The following RBP5 variants were observed in gnomAD, a reference collection of about 807,000 sequenced individuals.
RBP5 encodes retinol binding protein 5.
In RBP5, 12 loss-of-function variants were observed where a neutral mutation model predicts 17.8. The ratio of observed to expected loss-of-function variants is 0.67; its 90% CI spans 0.43 to 1.09. The LOEUF (loss-of-function observed/expected upper bound fraction) is 1.09, where lower values mean the gene tolerates loss of function less well. RBP5 is among the 50% of genes least tolerant of loss of function. RBP5 has a pLI of 0.00. For missense variants in RBP5, 172 were observed against 169.4 expected (o/e 1.02, Z -0.09); for synonymous variants, 64 against 68.1 (o/e 0.94, Z 0.30).
chr12:7,123,995 G>T lies in RBP5; in HGVS notation c.*126C>A. On this transcript the variant is annotated 3_prime_UTR_variant, in exon 4 of 4. Transcript: ENST00000266560. ...ATTAACACGGGGAGGGGTGAGGAGG[G>T]ACCCAGAGGGAGGAAAGGTGGCCAG... 4 of 864,366 alleles carry T rather than the reference G, an allele frequency of 4.6e-6. No homozygotes were observed. Among genetic ancestry groups the T allele is most frequent in the South Asian group, 1.4e-5 (1 of 71,648 alleles). 53.5% of individuals were successfully genotyped at this position (864,366 alleles called of 1,614,324 possible).
At chr12:7,127,422 G>A (rs1403825184) in intron 2 of RBP5, 3 of 440,186 alleles carry the variant, frequency 6.8e-6, no homozygotes, top group East Asian at 3.7e-5. Context: ...GAGCCACCAC[G>A]CCCAGCCTTT....
intron 2 of RBP5, among the ~76,000 whole-genome samples, chr12:7,126,441 T>C (rs1939160690): frequency 6.6e-6 from 1 of 151,746 alleles, no homozygotes; most frequent in Non-Finnish European, 1.5e-5. Flanking sequence ...TAGCAGCTGC[T>C]ATACTGGGTA....
chr12:7,127,282 C>T (rs767284753), intron 2 of RBP5, among the ~76,000 whole-genome samples: 9 of 152,280 alleles, frequency 5.9e-5, no homozygotes, highest in Admixed American at 2.0e-4. Context: ...GTGTGAGCCA[C>T]TGCACCTGGC....
chr12:7,123,076 C>G (rs1244369677), downstream of RBP5, among the ~76,000 whole-genome samples: 7 of 152,278 alleles, frequency 4.6e-5, no homozygotes, highest in Admixed American at 2.6e-4. Context: ...TCACATTGAG[C>G]CCTCTTCACT....
In RBP5 at chr12:7,128,224, G is replaced by C; in HGVS notation, c.252+16C>G. On this transcript the variant is annotated intron_variant, in intron 2 of 3. Coordinates refer to ENST00000266560, the MANE Select transcript of RBP5 (RefSeq NM_031491.4). This position sits in a 1 kb window ranked among gnomAD's most constrained non-coding sequence, Gnocchi z 5.3. ...GATGCCTCCTTCCGGCCACCGCCCA[G>C]CCAGGGGAAATGTACCTGGCATTTT... 1 of 1,599,218 alleles carries C rather than the reference G, an allele frequency of 6.3e-7. No homozygotes were observed. Among genetic ancestry groups the C allele is most frequent in the Non-Finnish European group, 8.5e-7 (1 of 1,170,444 alleles).
upstream of RBP5, chr12:7,129,590 C>T: frequency 1.0e-6 from 1 of 984,478 alleles, no homozygotes; most frequent in African/African-American, 1.7e-5. This position sits in a 1 kb window ranked among gnomAD's most constrained non-coding sequence, Gnocchi z 5.5. Context: ...TCGATGAGAC[C>T]GTAACCCCCA....
At chr12:7,126,069 CAA>C (rs34064255) in intron 2 of RBP5, among the ~76,000 whole-genome samples, 2 of 139,978 alleles carry the variant, frequency 1.4e-5, no homozygotes, top group African/African-American at 5.3e-5. Context: ...CCACCTCTAC[CAA>C]AAAAAAAAAA....
chr12:7,126,987 TA>T (rs1356947546), intron 2 of RBP5, among the ~76,000 whole-genome samples: 3 of 111,604 alleles, frequency 2.7e-5, no homozygotes, highest in African/African-American at 1.3e-4. Context: ...TGTACTTTTG[TA>T]TTTTTTTTTT....
upstream of RBP5, chr12:7,128,897 C>T (rs994536462): frequency 3.7e-6 from 3 of 811,420 alleles, no homozygotes; most frequent in Non-Finnish European, 6.3e-6. This position sits in a 1 kb window ranked among gnomAD's most constrained non-coding sequence, Gnocchi z 5.3. Flanking sequence ...TGTGTAATGG[C>T]CGGGTTACCA....
chr12:7,126,510 G>GGTGGTGGTGGT (rs751535528), intron 2 of RBP5, among the ~76,000 whole-genome samples: 7 of 131,024 alleles, frequency 5.3e-5, no homozygotes, highest in Non-Finnish European at 8.4e-5. Context: ...TGGTGGTGGT[G>GGTGGTGGTGGT]GTGTGTGTGT....
At position 7,124,468 on chromosome 12, in the gene RBP5, C is replaced by T. The variant is rs1939126610; in HGVS notation, c.354+161G>A. Among the ~76,000 whole-genome samples the T allele has an allele frequency of 6.6e-6, 1 of 152,162 alleles. No homozygotes were observed. Among genetic ancestry groups the T allele is most frequent in the African/African-American group, 2.4e-5 (1 of 41,434 alleles). ...CTTGGCCACTCTGTTTCTTCCTCTCCCCACTCCTCCCAGTGCTTTTGCTTT... is the reference window on the plus strand; with the variant it reads ...CTTGGCCACTCTGTTTCTTCCTCTCTCCACTCCTCCCAGTGCTTTTGCTTT... On this transcript the variant is annotated intron_variant, in intron 3 of 3. Coordinates refer to ENST00000266560, the MANE Select transcript of RBP5 (RefSeq NM_031491.4). This position sits in a 1 kb window ranked among gnomAD's most constrained non-coding sequence, Gnocchi z 5.3.
chr12:7,116,205 T>C (rs1939002616), exon 4 of RBP5: 1 of 152,238 alleles, frequency 6.6e-6, no homozygotes, highest in Non-Finnish European at 1.5e-5. Context: ...CTGGCTCTAG[T>C]TTCACTGTGG....
At chr12:7,126,513 GTGTGTGTGTGTGTGTGTGTGTGTGT>G (rs1485790161) in intron 2 of RBP5, among the ~76,000 whole-genome samples, 19 of 121,442 alleles carry the variant, frequency 1.6e-4, no homozygotes, top group African/African-American at 5.5e-4. Context: ...TGGTGGTGGT[GTGTGTGTGTGTGTGTGTGTGTGTGT>G]GTGTGTGTGT....
chr12:7,128,988 G>A (rs1019543661), upstream of RBP5: 3 of 545,554 alleles, frequency 5.5e-6, no homozygotes, highest in South Asian at 1.9e-5. This position sits in a 1 kb window ranked among gnomAD's most constrained non-coding sequence, Gnocchi z 5.3. Flanking sequence ...GAGTTTGGGG[G>A]TGGTGTCTCC....
downstream of RBP5, among the ~76,000 whole-genome samples, chr12:7,119,820 G>C (rs780454943): frequency 2.0e-5 from 3 of 152,200 alleles, no homozygotes; most frequent in Non-Finnish European, 2.9e-5. Flanking sequence ...GTTGCCTTGT[G>C]GGCTGGCCAA....
At chr12:7,120,351 G>A (rs1409024659), downstream of RBP5, among the ~76,000 whole-genome samples, 2 of 152,042 alleles carry the variant, frequency 1.3e-5, no homozygotes, top group African/African-American at 2.4e-5. Context: ...GGGGAGAGGG[G>A]GCAGGCCTGG....
In RBP5 at chr12:7,128,829, G is replaced by T; in HGVS notation, c.-54C>A. ...AGGAGACAGGGTGAGGAAGGAGGGG[G>T]TGTTGTCTGGCAGGTGAGGCTGAGA... On this transcript the variant is annotated 5_prime_UTR_variant, in exon 1 of 4. Coordinates refer to ENST00000266560, the MANE Select transcript of RBP5 (RefSeq NM_031491.4). This position sits in a 1 kb window ranked among gnomAD's most constrained non-coding sequence, Gnocchi z 5.3. 7.2e-7 allele frequency: 1 copy of T among 1,398,272 alleles called. No individual in the cohort carries two copies. The highest frequency in any genetic ancestry group is 2.0e-5 in the Admixed American group (1 of 51,120). 86.6% of individuals were successfully genotyped at this position (1,398,272 alleles called of 1,614,324 possible).
chr12:7,121,851 A>G (rs370567914), downstream of RBP5: 4 of 154,912 alleles, frequency 2.6e-5, no homozygotes, highest in Admixed American at 1.3e-4. Context: ...TCCTGATCAC[A>G]TCCCTGGAGT....
chr12:7,116,307 C>T (rs1291499502), exon 4 of RBP5: 1 of 152,260 alleles, frequency 6.6e-6, no homozygotes, highest in Non-Finnish European at 1.5e-5. Flanking sequence ...GCTGGTGTGT[C>T]TAGAACACCA....
Sources: allele counts gnomAD v4.1 joint callset (sites outside exome capture counted in the v4.1 genomes callset), GRCh38; gene constraint gnomAD v4.1.1; non-coding constraint Gnocchi (gnomAD v3.1); transcripts MANE v1.5; gene names NCBI Gene and HGNC (gene_info 2026-07-23, HGNC 2026-07-21).